The following AKAP6 variants were observed in gnomAD, a reference collection of about 807,000 sequenced individuals.
AKAP6 encodes the protein A-kinase anchor protein 6.
A neutral mutation model predicts 188.5 loss-of-function variants in AKAP6; 58 were observed. That is an observed-to-expected ratio of 0.31 (90% CI 0.25 to 0.38). The LOEUF (loss-of-function observed/expected upper bound fraction) is 0.38. Among genes scored for constraint, AKAP6 ranks in the 10% least tolerant of loss-of-function variants. The pLI, the probability that AKAP6 is intolerant of heterozygous loss-of-function variation, is 1.00. For synonymous variants in AKAP6, 989 were observed against 998.6 expected (o/e 0.99, Z 0.18); for missense variants, 2,710 against 2,740.0 (o/e 0.99, Z 0.24).
intron 2 of AKAP6, among the ~76,000 whole-genome samples, chr14:32,470,488 G>A (rs765462061): frequency 3.3e-5 from 5 of 152,152 alleles, no homozygotes; most frequent in African/African-American, 9.7e-5. Context: ...CACTGCTGTC[G>A]TTAGGGCTCA....
chr14:32,539,139 C>A (rs1310073619), intron 3 of AKAP6, among the ~76,000 whole-genome samples: 1 of 152,120 alleles, frequency 6.6e-6, no homozygotes, highest in African/African-American at 2.4e-5. Context: ...GTGCTGTTAT[C>A]CTCAATTTAC....
intron 4 of AKAP6, among the ~76,000 whole-genome samples, chr14:32,560,596 T>G (rs1883914943): frequency 6.6e-6 from 1 of 152,266 alleles, no homozygotes; most frequent in African/African-American, 2.4e-5. Context: ...GGAAAGGTTA[T>G]GATGCAATAA....
At chr14:32,791,138 T>A (rs1254504008) in intron 12 of AKAP6, among the ~76,000 whole-genome samples, 2 of 152,200 alleles carry the variant, frequency 1.3e-5, no homozygotes, top group South Asian at 2.1e-4. Flanking sequence ...AACTCAGTAA[T>A]GGGATTGCTG....
At chr14:32,743,093 G>A (rs1422000644) in intron 11 of AKAP6, among the ~76,000 whole-genome samples, 1 of 152,046 alleles carries the variant, frequency 6.6e-6, no homozygotes, top group Non-Finnish European at 1.5e-5. Flanking sequence ...TCATCTTGCT[G>A]AATTGACCCC....
At chr14:32,612,924 A>T (rs1886413992) in intron 7 of AKAP6, among the ~76,000 whole-genome samples, 1 of 152,196 alleles carries the variant, frequency 6.6e-6, no homozygotes, top group Non-Finnish European at 1.5e-5. Flanking sequence ...CTCTAAATTG[A>T]CATAAATTCA....
intron 1 of AKAP6, among the ~76,000 whole-genome samples, chr14:32,393,712 G>A (rs1364172753): frequency 6.6e-6 from 1 of 152,056 alleles, no homozygotes; most frequent in South Asian, 2.1e-4. Flanking sequence ...AAATTATAAT[G>A]GGGAGAGATT....
chr14:32,643,810 T>G (rs773635376), intron 7 of AKAP6, among the ~76,000 whole-genome samples: 1 of 152,196 alleles, frequency 6.6e-6, no homozygotes, highest in Non-Finnish European at 1.5e-5. Context: ...TGAACTGTAC[T>G]GACCTTGATA....
rs550507229 is a variant in AKAP6, at chr14:32,629,724, A to C, written c.2730+28932A>C. 4.1e-5 allele frequency among the ~76,000 whole-genome samples: 6 copies of C among 146,332 alleles called. No individual in the cohort carries two copies. In the South Asian group the frequency reaches 1.3e-3, roughly 32 times the overall value. On this transcript the variant is annotated intron_variant, in intron 7 of 13. Transcript: ENST00000280979. ...GGAAGCCAGAAGAACTAGAACCTGG[A>C]TTTTTAAATATAACTCAATACTTCA...
chr14:32,599,765 T>A (rs1885848152), intron 6 of AKAP6, among the ~76,000 whole-genome samples: 1 of 152,184 alleles, frequency 6.6e-6, no homozygotes, highest in Non-Finnish European at 1.5e-5. Context: ...GAAATTACAT[T>A]CTTGAAAACT....
chr14:32,439,170 C>G (rs971974547), intron 2 of AKAP6: 1 of 152,202 alleles, frequency 6.6e-6, no homozygotes, highest in African/African-American at 2.4e-5. Context: ...GGGCTGTACC[C>G]AGACTGAGAT....
intron 2 of AKAP6, among the ~76,000 whole-genome samples, chr14:32,454,475 C>G (rs949226562): frequency 1.3e-5 from 2 of 152,172 alleles, no homozygotes; most frequent in African/African-American, 4.8e-5. Flanking sequence ...GACTCCCGTG[C>G]CACAAGGCTT....
At chr14:32,714,114 G>A (rs2030048612) in intron 9 of AKAP6, among the ~76,000 whole-genome samples, 1 of 152,000 alleles carries the variant, frequency 6.6e-6, no homozygotes, top group South Asian at 2.1e-4. Flanking sequence ...AGAGAGAACT[G>A]CTGGTGGGTG....
Position 32,546,832 on chromosome 14 carries a change from A to G in AKAP6, c.2179A>G (p.Ser727Gly), listed in dbSNP as rs1390303927. ...TGACATTCTTTCTGATGAGGAGTCC[A>G]GTATGCCTCTCGCTGGCATGAAAAA... is the stretch of plus-strand genomic sequence containing the variant. ...LSDILSDEES[S>G]MPLAGMKKYA... is the part of the protein sequence containing the mutation. The change falls in exon 4 of 14, where the codon AGT (serine) becomes GGT (glycine). Residue 727 changes from serine to glycine, a missense_variant. Physicochemically the swap from Ser to Gly is moderately conservative, Grantham distance 56 (BLOSUM62 0). Around this residue, in one of 2 missense-constraint regions of AKAP6, gnomAD observed 2,473 missense variants for 2,426.1 expected, o/e 1.02. Transcript: ENST00000280979. The G allele has an allele frequency of 1.9e-6, 3 of 1,614,154 alleles. No homozygotes were observed. The South Asian group carries it at 3.3e-5, about 18-fold the overall frequency.
chr14:32,565,300 T>A (rs930368580), intron 4 of AKAP6, among the ~76,000 whole-genome samples: 6 of 152,198 alleles, frequency 3.9e-5, no homozygotes, highest in African/African-American at 1.4e-4. Context: ...ATTTTTGTAA[T>A]GCTTCAAGAA....
intron 1 of AKAP6, among the ~76,000 whole-genome samples, chr14:32,366,900 C>G (rs1043543986): frequency 6.6e-6 from 1 of 152,064 alleles, no homozygotes; most frequent in African/African-American, 2.4e-5. Flanking sequence ...TCAGAGGAGG[C>G]TGGGGGGAAA....
At chr14:32,480,273 C>T (rs1434161729) in intron 2 of AKAP6, among the ~76,000 whole-genome samples, 1 of 152,040 alleles carries the variant, frequency 6.6e-6, no homozygotes, top group African/African-American at 2.4e-5. Context: ...ATAGCCCCAA[C>T]TAAAAATGCT....
At position 32,546,469 on chromosome 14, in the gene AKAP6, G is replaced by A. The variant is rs1392156912; in HGVS notation, c.1816G>A (p.Gly606Ser). Residue 606 changes from glycine (G) to serine (S), a missense_variant, in exon 4 of 14, where the codon GGT becomes AGT. Physicochemically the swap from Gly to Ser is moderately conservative, Grantham distance 56 (BLOSUM62 0). Coordinates refer to ENST00000280979, the MANE Select transcript of AKAP6 (RefSeq NM_004274.5). ...TCTTTCAAAACACAAAAGCAAAAAA[G>A]GTCAAGCCTCCTCTCCAAGTCACGT... ...PLLSKHKSKK[G>S]QASSPSHVTR... is the part of the protein sequence containing the mutation. 2 of 1,614,110 alleles carry A rather than the reference G, an allele frequency of 1.2e-6. No individual in the cohort carries two copies. Among genetic ancestry groups the A allele is most frequent in the Admixed American group, 1.7e-5 (1 of 60,008 alleles).
In AKAP6 at chr14:32,459,211, A is replaced by G. The variant is rs1891242311; in HGVS notation, c.324+25394A>G. 3.3e-5 allele frequency among the ~76,000 whole-genome samples: 5 copies of G among 152,296 alleles called. No individual in the cohort carries two copies. The South Asian group carries it at 1.0e-3, about 32-fold the overall frequency. ...AACAAAATACAGATCAGTGGTTGCT[A>G]GAGATTGAATTATGTATATGTGGGT... On this transcript the variant is annotated intron_variant, in intron 2 of 13. Transcript: ENST00000280979.
intron 11 of AKAP6, among the ~76,000 whole-genome samples, chr14:32,752,126 T>G (rs1362065291): frequency 6.6e-6 from 1 of 152,216 alleles, no homozygotes; most frequent in Non-Finnish European, 1.5e-5. Flanking sequence ...TATTTCAGTC[T>G]GAGACAAAAA....
Sources: allele counts gnomAD v4.1 joint callset (sites outside exome capture counted in the v4.1 genomes callset), GRCh38; gene constraint gnomAD v4.1.1; regional missense constraint gnomAD v4.1.1; transcripts MANE v1.5; gene names NCBI Gene and HGNC (gene_info 2026-07-23, HGNC 2026-07-21).